The following FSTL3 variants were observed in gnomAD, a reference collection of about 807,000 sequenced individuals.
FSTL3 encodes the protein follistatin-related protein 3.
Under a neutral mutation model 28.1 loss-of-function variants are expected in FSTL3, and 21 were observed. The observed-to-expected ratio is 0.75, with a 90% CI of 0.53 to 1.08. FSTL3 has a LOEUF of 1.08. FSTL3 is among the 50% of genes least tolerant of loss of function. FSTL3 has a pLI of 0.00. For synonymous variants in FSTL3, 199 were observed against 164.2 expected (o/e 1.21, Z -1.62); for missense variants, 400 against 380.9 (o/e 1.05, Z -0.42).
At chr19:679,624 A>G (rs2031282152) in intron 2 of FSTL3, among the ~76,000 whole-genome samples, 1 of 152,202 alleles carries the variant, frequency 6.6e-6, no homozygotes, top group Non-Finnish European at 1.5e-5. Flanking sequence ...GGAGGCGATG[A>G]GCATTCACAT....
chr19:680,086 C>T (rs1485818676), intron 2 of FSTL3, 188 bp from the exon 3 acceptor site: 3 of 316,710 alleles, frequency 9.5e-6, no homozygotes, highest in Non-Finnish European at 1.7e-5. Context: ...CCCACCGGTC[C>T]CGCGCCCGGA....
chr19:680,046 C>G (rs1377151322), intron 2 of FSTL3: 1 of 276,410 alleles, frequency 3.6e-6, no homozygotes. Context: ...AGCCCCCGCC[C>G]CCCAGCGCAG....
rs750778881 is a variant in FSTL3, at chr19:681,718, A to G, written c.*10A>G. 6.4e-7 allele frequency: 1 copy of G among 1,552,380 alleles called. No homozygotes were observed. The highest frequency in any genetic ancestry group is 1.2e-5 in the South Asian group (1 of 84,466). On this transcript the variant is annotated 3_prime_UTR_variant, in exon 5 of 5. Transcript: ENST00000166139. The stretch of plus-strand genomic sequence containing the variant: ...AGAGAACTTCGTGTGAGCCTGCAGG[A>G]CAGGCCTGGGCCTGGTGCCCGAGGC...
intron 2 of FSTL3, among the ~76,000 whole-genome samples, chr19:679,086 C>T (rs530754934): frequency 6.6e-6 from 1 of 152,184 alleles, no homozygotes; most frequent in South Asian, 2.1e-4. Context: ...TGCCACATAC[C>T]CCTGCTCCCT....
chr19:679,802 C>G (rs200348535), intron 2 of FSTL3, among the ~76,000 whole-genome samples: 15 of 152,294 alleles, frequency 9.8e-5, no homozygotes, highest in Middle Eastern at 3.4e-3. Context: ...AGCGCCCCGC[C>G]CTCCCCGACG....
At chr19:678,030 A>T (rs1318539236) in intron 2 of FSTL3, 53 bp downstream of exon 2, 1 of 1,550,562 alleles carries the variant, frequency 6.4e-7, no homozygotes, top group South Asian at 1.1e-5. Flanking sequence ...GACCAGCCAC[A>T]AACAGTCATG....
intron 2 of FSTL3, among the ~76,000 whole-genome samples, chr19:678,357 G>A (rs1484746396): frequency 2.0e-5 from 3 of 152,180 alleles, no homozygotes; most frequent in Non-Finnish European, 2.9e-5. Flanking sequence ...CAGGGTCTGC[G>A]GTGGGGTTAC....
Position 680,499 on chromosome 19 carries a change from G to T in FSTL3, c.505+10G>T. The stretch of plus-strand genomic sequence containing the variant: ...CGGGGCCGCTGCCGCAGTACGTGGG[G>T]GCGTGGTCTGTGGAGGGGCGGGGCG... On this transcript the variant is annotated intron_variant, in intron 3 of 4. Coordinates refer to ENST00000166139, the MANE Select transcript of FSTL3 (RefSeq NM_005860.3). 8.1e-7 allele frequency: 1 copy of T among 1,239,194 alleles called. No individual in the cohort carries two copies. Among genetic ancestry groups the T allele is most frequent in the South Asian group, 3.4e-5 (1 of 29,608 alleles). The allele number at this position is 1,239,194 out of a possible 1,614,324, so 76.8% of individuals were successfully genotyped here.
Position 677,859 on chromosome 19 carries a change from C to T in FSTL3, c.171C>T (p.Thr57=). The T allele has an allele frequency of 6.2e-7, 1 of 1,613,158 alleles. No homozygotes were observed. The highest frequency in any genetic ancestry group is 8.5e-7 in the Non-Finnish European group (1 of 1,179,970). ...GCCTGGTGCTCCAGACTGATGTCACCCGGGCCGAGTGCTGTGCCTCCGGCA... is the reference window on the plus strand; with the variant it reads ...GCCTGGTGCTCCAGACTGATGTCACTCGGGCCGAGTGCTGTGCCTCCGGCA... The part of the protein sequence containing the change: ...TCSLVLQTDV[T]RAECCASGNI... Residue 57 remains threonine (T), a synonymous_variant, in exon 2 of 5, where the codon ACC becomes ACT. Transcript: ENST00000166139.
chr19:680,295 GC>G lies in FSTL3; in HGVS notation c.312del (p.Cys104TrpfsTer56). On this transcript the variant is annotated frameshift_variant, in exon 3 of 5. Transcript: ENST00000166139. LOFTEE classifies it high-confidence loss of function. ...GCAGATTCGTGCGACGGCGTGGAGT[GC>G]GGCCCGGGCAAGGCGTGCCGCATGC... ...PCKDSCDGVE[C>X]GPGKACRMLG... 1 of 1,310,056 alleles carries G rather than the reference GC, an allele frequency of 7.6e-7. No homozygotes were observed. The highest frequency in any genetic ancestry group is 9.7e-7 in the Non-Finnish European group (1 of 1,032,822). 81.2% of individuals were successfully genotyped at this position (1,310,056 alleles called of 1,614,324 possible). A position where few individuals can be genotyped will look rare whatever the true frequency, so the allele number is the denominator to read the frequency against.
In FSTL3 at chr19:680,451, A is replaced by G; in HGVS notation, c.467A>G (p.His156Arg). Residue 156 changes from histidine to arginine, a missense_variant, in exon 3 of 5, where the codon CAC becomes CGC. By Grantham distance (29) the His-to-Arg change is conservative. Coordinates refer to ENST00000166139, the MANE Select transcript of FSTL3 (RefSeq NM_005860.3). ...CTGCGCGCCGCGCGCTGCCGCGGCC[A>G]CCCGGACCTGAGCGTCATGTACCGG... The part of the protein sequence containing the change: ...CELRAARCRG[H>R]PDLSVMYRGR... 3 of 1,260,632 alleles carry G rather than the reference A, an allele frequency of 2.4e-6. No homozygotes were observed. Among genetic ancestry groups the G allele is most frequent in the Non-Finnish European group, 3.0e-6 (3 of 1,004,748 alleles). 78.1% of individuals were successfully genotyped at this position (1,260,632 alleles called of 1,614,324 possible). A position where few individuals can be genotyped will look rare whatever the true frequency, so the allele number is the denominator to read the frequency against.
chr19:680,781 G>C (rs2031316724), intron 3 of FSTL3: 1 of 321,910 alleles, frequency 3.1e-6, no homozygotes, highest in South Asian at 1.3e-4. Context: ...CTGAGTAAGG[G>C]CGTCTTTATA....
rs766343417 is a variant in FSTL3 at position 680,476 on chromosome 19, G to A, written c.492G>A (p.Arg164=). ...RGHPDLSVMY[R]GRCRKSCEHV... is the part of the protein sequence containing the mutation. ...ACCCGGACCTGAGCGTCATGTACCG[G>A]GGCCGCTGCCGCAGTACGTGGGGGC... is the stretch of plus-strand genomic sequence containing the variant. The change falls in exon 3 of 5, where the codon CGG becomes CGA. Residue 164 remains arginine (R), a synonymous_variant. Coordinates refer to ENST00000166139, the MANE Select transcript of FSTL3 (RefSeq NM_005860.3). The A allele has an allele frequency of 1.6e-6, 2 of 1,251,040 alleles. No individual in the cohort carries two copies. Among genetic ancestry groups the A allele is most frequent in the Non-Finnish European group, 2.0e-6 (2 of 997,884 alleles). The allele number at this position is 1,251,040 out of a possible 1,614,324, so 77.5% of individuals were successfully genotyped here.
In FSTL3 at chr19:682,434, C is replaced by T. The variant is rs932952764; in HGVS notation, c.*726C>T. The T allele has an allele frequency of 8.5e-6, 2 of 235,922 alleles. No homozygotes were observed. Among genetic ancestry groups the T allele is most frequent in the Non-Finnish European group, 1.7e-5 (2 of 119,744 alleles). The allele number at this position is 235,922 out of a possible 1,614,324, so 14.6% of individuals were successfully genotyped here. On this transcript the variant is annotated 3_prime_UTR_variant, in exon 5 of 5. Coordinates refer to ENST00000166139, the MANE Select transcript of FSTL3 (RefSeq NM_005860.3). ...CCTGGGTGTGTACGGAGGGTCTAGT[C>T]TGAGTGCGTGTGGGGACCTCAGAAC... is the stretch of plus-strand genomic sequence containing the variant.
rs754981373 is a variant in FSTL3, at chr19:681,770, C to G, written c.*62C>G. 5 of 1,383,304 alleles carry G rather than the reference C, an allele frequency of 3.6e-6. No individual in the cohort carries two copies. The highest frequency in any genetic ancestry group is 5.0e-6 in the Non-Finnish European group (5 of 996,960). The allele number at this position is 1,383,304 out of a possible 1,614,324, so 85.7% of individuals were successfully genotyped here. ...CCCCATCATCCCCTGTTATTTATTG[C>G]CACAGCAGAGTCTAATTTATATGCC... On this transcript the variant is annotated 3_prime_UTR_variant, in exon 5 of 5. Transcript: ENST00000166139.
At position 681,694 on chromosome 19, in the gene FSTL3, G is replaced by A; in HGVS notation, c.778G>A (p.Glu260Lys). The A allele has an allele frequency of 6.4e-7, 1 of 1,562,212 alleles. No individual in the cohort carries two copies. Among genetic ancestry groups the A allele is most frequent in the Non-Finnish European group, 8.7e-7 (1 of 1,153,954 alleles). The change falls in exon 5 of 5, where the codon GAG becomes AAG. Residue 260 changes from glutamate (E) to lysine (K), a missense_variant. Transcript: ENST00000166139. ...PPGGESAEEE[E>K]NFV is the part of the protein sequence containing the mutation. ...AGGTGGTGAGTCTGCAGAAGAGGAA[G>A]AGAACTTCGTGTGAGCCTGCAGGAC... is the stretch of plus-strand genomic sequence containing the variant.
At chr19:676,782 G>T (rs930402048) in intron 1 of FSTL3, among the ~76,000 whole-genome samples, 1 of 152,190 alleles carries the variant, frequency 6.6e-6, no homozygotes, top group South Asian at 2.1e-4. Context: ...GTGCCATCCC[G>T]ATAGTGCCGG....
chr19:676,984 T>C (rs1454574544), intron 1 of FSTL3, among the ~76,000 whole-genome samples: 1 of 152,024 alleles, frequency 6.6e-6, no homozygotes, highest in Non-Finnish European at 1.5e-5. Context: ...AGACGGGGCA[T>C]GGAGTCTCAC....
In FSTL3 at chr19:676,466, G is replaced by A; in HGVS notation, c.43G>A (p.Gly15Arg). Reference protein sequence around the residue: ...APGPLWPLPWGALAWAVGFVS... With the variant: ...APGPLWPLPWRALAWAVGFVS... ...AGGGCCACTCTGGCCTCTGCCCTGG[G>A]GGGCCCTGGCTTGGGCCGTGGGCTT... The change falls in exon 1 of 5, where the codon GGG becomes AGG. Residue 15 changes from glycine (G) to arginine (R), a missense_variant. Gly to Arg is a moderately radical substitution (Grantham distance 125). Coordinates refer to ENST00000166139, the MANE Select transcript of FSTL3 (RefSeq NM_005860.3). 8.3e-7 allele frequency: 1 copy of A among 1,209,760 alleles called. No individual in the cohort carries two copies. Among genetic ancestry groups the A allele is most frequent in the Non-Finnish European group, 1.0e-6 (1 of 971,274 alleles). 74.9% of individuals were successfully genotyped at this position (1,209,760 alleles called of 1,614,324 possible).
Sources: allele counts gnomAD v4.1 joint callset (sites outside exome capture counted in the v4.1 genomes callset), GRCh38; gene constraint gnomAD v4.1.1; transcripts MANE v1.5; gene names NCBI Gene and HGNC (gene_info 2026-07-23, HGNC 2026-07-21).